LTV1: variants seen among roughly 807,000 people sequenced by gnomAD.
The protein encoded by LTV1 is protein LTV1 homolog.
In LTV1, 39 loss-of-function variants were observed where a neutral mutation model predicts 59.9. That is an observed-to-expected ratio of 0.65 (90% CI 0.50 to 0.85). LTV1 has a LOEUF of 0.85. Ranked by LOEUF, LTV1 falls within the 40% of genes least tolerant of loss-of-function variation. LTV1 has a pLI of 0.00. For synonymous variants in LTV1, 171 were observed against 189.5 expected (o/e 0.90, Z 0.80); for missense variants, 493 against 549.1 (o/e 0.90, Z 1.02).
chr6:143,843,741 C>T (rs545952186), intron 1 of LTV1, among the ~76,000 whole-genome samples: 3 of 152,228 alleles, frequency 2.0e-5, no homozygotes, highest in South Asian at 2.1e-4. Context: ...TGCAGCCCTG[C>T]GTGATTTCGG....
Position 143,857,815 on chromosome 6 carries a change from T to C in LTV1, c.603T>C (p.Asn201=), listed in dbSNP as rs778879668. 9.3e-6 allele frequency: 15 copies of C among 1,614,048 alleles called. No homozygotes were observed. Among genetic ancestry groups the C allele is most frequent in the Non-Finnish European group, 1.3e-5 (15 of 1,179,970 alleles). Residue 201 remains asparagine, a synonymous_variant, in exon 6 of 11, where the codon AAT becomes AAC. Coordinates refer to ENST00000367576, the MANE Select transcript of LTV1 (RefSeq NM_032860.5). The surrounding 1 kb of genome is among the most constrained non-coding windows in gnomAD (Gnocchi z 5.2). The part of the protein sequence containing the change: ...EDVDDEKGDS[N]DDYDSAGLLS... ...TGGATGATGAGAAGGGAGATAGCAA[T>C]GATGACTATGACTCTGCAGGCCTAT... is the stretch of plus-strand genomic sequence containing the variant.
intron 4 of LTV1, among the ~76,000 whole-genome samples, chr6:143,853,890 A>T (rs1300855385): frequency 6.6e-6 from 1 of 152,252 alleles, no homozygotes; most frequent in East Asian, 1.9e-4. Context: ...GATGTTCATC[A>T]GGGATATTGG....
In LTV1 at chr6:143,857,366, A is replaced by G. The variant is rs139005307; in HGVS notation, c.461A>G (p.Asp154Gly). 6.2e-7 allele frequency: 1 copy of G among 1,613,924 alleles called. No homozygotes were observed. Among genetic ancestry groups the G allele is most frequent in the African/African-American group, 1.3e-5 (1 of 74,902 alleles). Residue 154 changes from aspartate to glycine, a missense_variant, in exon 5 of 11, where the codon GAT (aspartate) becomes GGT (glycine). By Grantham distance (94) the Asp-to-Gly change is moderately conservative (BLOSUM62 -1). Coordinates refer to ENST00000367576, the MANE Select transcript of LTV1 (RefSeq NM_032860.5). The surrounding 1 kb of genome is among the most constrained non-coding windows in gnomAD (Gnocchi z 5.2). ...AALDDDFDFD[D>G]PDNLLEDDFI... ...CTTGATGATGATTTTGACTTTGATG[A>G]TCCAGATAATCTGCTTGAGGATGAC...
At chr6:143,849,831 C>T (rs1027001251) in intron 3 of LTV1, among the ~76,000 whole-genome samples, 1 of 152,086 alleles carries the variant, frequency 6.6e-6, no homozygotes, top group African/African-American at 2.4e-5. Flanking sequence ...TGGCTCATTC[C>T]TAACTTCCGA....
Position 143,858,028 on chromosome 6 carries a change from A to T in LTV1, c.795+21A>T, listed in dbSNP as rs375065648. 5.0e-6 allele frequency: 8 copies of T among 1,612,582 alleles called. No individual in the cohort carries two copies. In the East Asian group the frequency reaches 1.3e-4, roughly 27 times the overall value. On this transcript the variant is annotated intron_variant, in intron 6 of 10. Transcript: ENST00000367576. Reference sequence around the variant, plus strand: ...AGAAGGTAAGGTCCCCACATAAGGGATGCTTTAGTACTATCTTATGTTAAA... The same window carrying T: ...AGAAGGTAAGGTCCCCACATAAGGGTTGCTTTAGTACTATCTTATGTTAAA...
At position 143,845,473 on chromosome 6, in the gene LTV1, T is replaced by C. The variant is rs537349220; in HGVS notation, c.136-578T>C. On this transcript the variant is annotated intron_variant, in intron 2 of 10. Transcript: ENST00000367576. ...TCACTGCAACTTCTACCTCTTGGGC[T>C]CAAGCGATCCTCCCACCTTAGCCTC... 4.6e-5 allele frequency among the ~76,000 whole-genome samples: 7 copies of C among 152,284 alleles called. No individual in the cohort carries two copies. In the South Asian group the frequency reaches 1.0e-3, roughly 23 times the overall value.
At chr6:143,860,919 G>C (rs369209564) in intron 7 of LTV1, among the ~76,000 whole-genome samples, 1 of 149,708 alleles carries the variant, frequency 6.7e-6, no homozygotes, top group Admixed American at 6.6e-5. Flanking sequence ...TTTTTGAGAC[G>C]GAGTCTTGCT....
chr6:143,860,827 A>G (rs1269636856), intron 7 of LTV1, among the ~76,000 whole-genome samples: 3 of 152,110 alleles, frequency 2.0e-5, no homozygotes, highest in African/African-American at 7.2e-5. Flanking sequence ...TAATGGGAAT[A>G]TACGAGGAGC....
intron 7 of LTV1, among the ~76,000 whole-genome samples, chr6:143,861,431 C>CT: frequency 6.8e-6 from 1 of 147,264 alleles, no homozygotes; most frequent in African/African-American, 2.5e-5. Context: ...GAGACTCTGT[C>CT]TCAAAAAAAA....
At chr6:143,853,830 A>T (rs1777029474) in intron 4 of LTV1, among the ~76,000 whole-genome samples, 1 of 152,258 alleles carries the variant, frequency 6.6e-6, no homozygotes, top group Non-Finnish European at 1.5e-5. Context: ...AAGCTTTTTG[A>T]TGTGCTGCTG....
At chr6:143,858,805 C>A (rs945120254) in intron 6 of LTV1, 2 of 152,070 alleles carry the variant, frequency 1.3e-5, no homozygotes, top group East Asian at 1.9e-4. Flanking sequence ...TGTTATTTTT[C>A]TTTTTTTATT....
rs149236435 is a variant in LTV1 at position 143,849,965 on chromosome 6, CATGGTCCAGTAAGACCTCATCTTATTAT to C, written c.310-164_310-137del. ...TCTTCATGTGGTCTCGTTATAGGAC[CATGGTCCAGTAAGACCTCATCTTATTAT>C]AGTTGAGAGGACCCTATTTCAAATA... On this transcript the variant is annotated intron_variant, in intron 3 of 10. Transcript: ENST00000367576. Among the ~76,000 whole-genome samples the C allele has an allele frequency of 2.3e-3, 347 of 152,268 alleles. 6 individuals are homozygous for C. The East Asian group carries it at 0.055, about 24-fold the overall frequency.
Position 143,862,980 on chromosome 6 carries a change from T to C in LTV1, c.1116+84T>C. The stretch of plus-strand genomic sequence containing the variant: ...ATTTTCGCACAATAACTTTTTATCT[T>C]TATGGCTAGAGTGATATTAGAAAAA... On this transcript the variant is annotated intron_variant, in intron 9 of 10. Transcript: ENST00000367576. The surrounding 1 kb of genome is among the most constrained non-coding windows in gnomAD (Gnocchi z 4.2). 2.1e-6 allele frequency: 3 copies of C among 1,453,576 alleles called. No homozygotes were observed. Among genetic ancestry groups the C allele is most frequent in the East Asian group, 2.3e-5 (1 of 44,024 alleles). 90.0% of individuals were successfully genotyped at this position (1,453,576 alleles called of 1,614,324 possible). A position where few individuals can be genotyped will look rare whatever the true frequency, so the allele number is the denominator to read the frequency against.
chr6:143,849,366 T>A (rs4140442), intron 3 of LTV1, among the ~76,000 whole-genome samples: 44,999 of 151,956 alleles, frequency 0.3, 6,916 homozygotes, highest in East Asian at 0.53. Flanking sequence ...AAGAGGAAAA[T>A]GTTTAATTTT....
chr6:143,860,490 T>A lies in LTV1; in HGVS notation c.860T>A (p.Ile287Asn). 2.5e-6 allele frequency: 4 copies of A among 1,613,744 alleles called. No individual in the cohort carries two copies. Among genetic ancestry groups the A allele is most frequent in the Non-Finnish European group, 3.4e-6 (4 of 1,179,768 alleles). Reference sequence around the variant, plus strand: ...GATAATGCAGAATTGGAAGGTTCTATTCAAGTGGACAGCAATCGCTTACAG... The same window carrying A: ...GATAATGCAGAATTGGAAGGTTCTAATCAAGTGGACAGCAATCGCTTACAG... ...ALDNAELEGS[I>N]QVDSNRLQEV... The change falls in exon 7 of 11, where the codon ATT becomes AAT. Residue 287 changes from isoleucine to asparagine, a missense_variant. Transcript: ENST00000367576.
At position 143,855,306 on chromosome 6, in the gene LTV1, C is replaced by A. The variant is rs553168878; in HGVS notation, c.398-1997C>A. Among the ~76,000 whole-genome samples the A allele has an allele frequency of 6.6e-6, 1 of 152,052 alleles. No homozygotes were observed. The highest frequency in any genetic ancestry group is 1.5e-5 in the Non-Finnish European group (1 of 68,028). ...TGCTTTCCATTTGCTTGGTAAATAT[C>A]CTCCATTCCTTTATTTTGAGTCTGT... On this transcript the variant is annotated intron_variant, in intron 4 of 10. Coordinates refer to ENST00000367576, the MANE Select transcript of LTV1 (RefSeq NM_032860.5). This position sits in a 1 kb window ranked among gnomAD's most constrained non-coding sequence, Gnocchi z 4.6.
chr6:143,846,344 C>T, intron 3 of LTV1, 120 bp downstream of exon 3: 3 of 873,562 alleles, frequency 3.4e-6, no homozygotes, highest in Non-Finnish European at 5.2e-6. Flanking sequence ...GACCACGCCT[C>T]CACTTAAAAT....
chr6:143,859,854 A>T (rs1777134509), intron 6 of LTV1, among the ~76,000 whole-genome samples: 1 of 152,174 alleles, frequency 6.6e-6, no homozygotes, highest in African/African-American at 2.4e-5. Flanking sequence ...CTATAATCTC[A>T]GAACTGTGGG....
chr6:143,860,650 A>T (rs1318436811), intron 7 of LTV1, 97 bp downstream of exon 7: 2 of 1,044,630 alleles, frequency 1.9e-6, no homozygotes, highest in Non-Finnish European at 2.7e-6. Context: ...TGAGGAAAAA[A>T]TTAACCTAGT....
Sources: gnomAD v4.1 joint callset for allele counts (sites outside exome capture counted in the v4.1 genomes callset) on GRCh38, gnomAD v4.1.1 for gene constraint, Gnocchi (gnomAD v3.1) non-coding constraint, MANE v1.5 for transcripts, NCBI Gene and HGNC (gene_info 2026-07-23, HGNC 2026-07-21) for gene names.